The following SLIT3 variants were observed in gnomAD, a reference collection of about 807,000 sequenced individuals.
SLIT3 encodes the protein slit guidance ligand 3, also known as slit homolog 3 protein.
Under a neutral mutation model 184.0 loss-of-function variants are expected in SLIT3, and 68 were observed. The ratio of observed to expected loss-of-function variants is 0.37; its 90% CI spans 0.30 to 0.45. SLIT3 has a LOEUF of 0.45. SLIT3 is among the 20% of genes least tolerant of loss of function. The pLI is 1.00. For missense variants in SLIT3, 1,707 were observed against 2,026.0 expected (o/e 0.84, Z 3.02); for synonymous variants, 831 against 828.6 (o/e 1.00, Z -0.05).
chr5:169,126,518 C>T (rs1278102243), intron 4 of SLIT3, among the ~76,000 whole-genome samples: 1 of 152,226 alleles, frequency 6.6e-6, no homozygotes, highest in African/African-American at 2.4e-5. Context: ...TTAGTGGTGA[C>T]ATCATGAAAA....
At chr5:168,986,139 C>G (rs1755119467) in intron 4 of SLIT3, among the ~76,000 whole-genome samples, 1 of 152,066 alleles carries the variant, frequency 6.6e-6, no homozygotes. Context: ...TGTAATATAC[C>G]TCATACTTTT....
Position 169,010,110 on chromosome 5 carries a change from G to T in SLIT3, c.414-126774C>A, listed in dbSNP as rs923602589. Among the ~76,000 whole-genome samples, 5 of 152,210 alleles carry T rather than the reference G, an allele frequency of 3.3e-5. No individual in the cohort carries two copies. The South Asian group carries it at 1.0e-3, about 31-fold the overall frequency. On this transcript the variant is annotated intron_variant, in intron 4 of 35. Transcript: ENST00000519560. ...GGGAAAAAGCATAGCTGGGTGCTTT[G>T]CAAAGGGGACCTAGTGTCATGAATT...
At chr5:168,795,901 C>G (rs565816211) in intron 9 of SLIT3, among the ~76,000 whole-genome samples, 9 of 152,122 alleles carry the variant, frequency 5.9e-5, no homozygotes, top group African/African-American at 1.9e-4. Context: ...AGTAACCAAG[C>G]AGAATGCGGA....
intron 4 of SLIT3, among the ~76,000 whole-genome samples, chr5:168,911,504 G>A (rs555834552): frequency 1.4e-4 from 21 of 152,318 alleles, no homozygotes; most frequent in Middle Eastern, 3.4e-3. Context: ...GCATAGCTTA[G>A]GAAGTTATTT....
intron 4 of SLIT3, among the ~76,000 whole-genome samples, chr5:169,168,602 G>A (rs966452027): frequency 7.2e-5 from 11 of 152,284 alleles, no homozygotes; most frequent in Non-Finnish European, 1.2e-4. Context: ...AAAGTAGTAG[G>A]AGTCACTACT....
chr5:168,716,507 A>C (rs2113346873), intron 23 of SLIT3, among the ~76,000 whole-genome samples: 1 of 152,122 alleles, frequency 6.6e-6, no homozygotes, highest in African/African-American at 2.4e-5. Context: ...CACTGTCATG[A>C]CTCCTCCTCT....
chr5:168,844,384 G>T (rs1195862914), intron 6 of SLIT3, among the ~76,000 whole-genome samples, 200 bp downstream of exon 6: 5 of 152,094 alleles, frequency 3.3e-5, no homozygotes, highest in African/African-American at 1.2e-4. Context: ...ATCACACTTG[G>T]CTGCCTGCAA....
At chr5:169,222,909 G>A (rs1764658106) in intron 3 of SLIT3, among the ~76,000 whole-genome samples, 1 of 152,158 alleles carries the variant, frequency 6.6e-6, no homozygotes, top group Non-Finnish European at 1.5e-5. Flanking sequence ...AAATGGCTGA[G>A]ACATGGGAGT....
intron 2 of SLIT3, among the ~76,000 whole-genome samples, chr5:169,247,782 G>A (rs1765645302): frequency 6.6e-6 from 1 of 151,914 alleles, no homozygotes. Flanking sequence ...TTTTAGGAGG[G>A]GACATAGAGA....
At chr5:169,065,643 C>A (rs1758327665) in intron 4 of SLIT3, among the ~76,000 whole-genome samples, 1 of 152,208 alleles carries the variant, frequency 6.6e-6, no homozygotes, top group Non-Finnish European at 1.5e-5. Context: ...CTCCCAAAGG[C>A]ATCCTTGGGT....
At chr5:168,757,645 C>T (rs1754999567) in intron 16 of SLIT3, among the ~76,000 whole-genome samples, 1 of 152,162 alleles carries the variant, frequency 6.6e-6, no homozygotes, top group South Asian at 2.1e-4. Context: ...CCGTGTTAGT[C>T]AGGATGGTCT....
intron 4 of SLIT3, among the ~76,000 whole-genome samples, chr5:168,981,295 C>A (rs761695786): frequency 1.3e-5 from 2 of 152,030 alleles, no homozygotes; most frequent in Non-Finnish European, 2.9e-5. Flanking sequence ...ACTGACTACG[C>A]AACAGTTCAG....
intron 4 of SLIT3, among the ~76,000 whole-genome samples, chr5:169,183,099 T>C (rs1763221414): frequency 2.0e-5 from 3 of 152,194 alleles, no homozygotes; most frequent in Admixed American, 2.0e-4. Context: ...TTCTGGGTTC[T>C]ATACTCAGCA....
At chr5:169,097,667 G>A (rs1434161075) in intron 4 of SLIT3, among the ~76,000 whole-genome samples, 4 of 152,184 alleles carry the variant, frequency 2.6e-5, no homozygotes, top group Non-Finnish European at 5.9e-5. Context: ...AGACATTTCT[G>A]GCCAGAGGGG....
intron 5 of SLIT3, among the ~76,000 whole-genome samples, chr5:168,851,261 T>C (rs1758666572): frequency 6.7e-6 from 1 of 148,712 alleles, no homozygotes; most frequent in Admixed American, 6.8e-5. Context: ...AGGCGGAGCT[T>C]GCTGTGAGCA....
chr5:169,285,976 C>T (rs563597866), intron 1 of SLIT3, among the ~76,000 whole-genome samples: 2 of 152,314 alleles, frequency 1.3e-5, no homozygotes, highest in East Asian at 1.9e-4. Flanking sequence ...CACTTTAGAA[C>T]ACTAAGTTTT....
chr5:168,883,457 GGCTGTTTGGTCTCGGGCCCCAGGCT>G, intron 4 of SLIT3, 121 bp from the exon 5 acceptor site: 2 of 717,170 alleles, frequency 2.8e-6, no homozygotes, highest in Non-Finnish European at 4.8e-6. Context: ...AGTGTATGGC[GGCTGTTTGGTCTCGGGCCCCAGGCT>G]GCTACAAGCA....
intron 4 of SLIT3, among the ~76,000 whole-genome samples, chr5:168,923,493 T>C (rs935196017): frequency 6.6e-6 from 1 of 151,622 alleles, no homozygotes; most frequent in Non-Finnish European, 1.5e-5. Flanking sequence ...TAAATATGAT[T>C]AGGTAACCCC....
At chr5:169,131,698 T>C (rs1761303313) in intron 4 of SLIT3, among the ~76,000 whole-genome samples, 2 of 152,356 alleles carry the variant, frequency 1.3e-5, no homozygotes, top group Middle Eastern at 3.4e-3. Context: ...TACTTCTTAC[T>C]ATCCTCCTCC....
Sources: gnomAD v4.1 joint callset for allele counts (sites outside exome capture counted in the v4.1 genomes callset) on GRCh38, gnomAD v4.1.1 for gene constraint, MANE v1.5 for transcripts, NCBI Gene and HGNC (gene_info 2026-07-23, HGNC 2026-07-21) for gene names.